The following DPP10 variants were observed in gnomAD, a reference collection of about 807,000 sequenced individuals.
DPP10 encodes the protein inactive dipeptidyl peptidase 10.
DPP10 carries 33 observed loss-of-function variants against 120.9 expected under a neutral mutation model. That is an observed-to-expected ratio of 0.27 (90% CI 0.21 to 0.37). The LOEUF is 0.37. Ranked by LOEUF, DPP10 falls within the 10% of genes least tolerant of loss-of-function variation. The pLI is 1.00. For missense variants in DPP10, 816 were observed against 942.8 expected (o/e 0.87, Z 1.76); for synonymous variants, 337 against 326.1 (o/e 1.03, Z -0.36).
chr2:114,944,569 A>C (rs960723841), intron 1 of DPP10, among the ~76,000 whole-genome samples: 13 of 152,162 alleles, frequency 8.5e-5, no homozygotes, highest in Non-Finnish European at 2.9e-5. Flanking sequence ...CATACTTTTA[A>C]TCAGGCATCA....
chr2:114,737,008 GC>G (rs1213897249), intron 1 of DPP10, among the ~76,000 whole-genome samples: 1 of 152,154 alleles, frequency 6.6e-6, no homozygotes, highest in Non-Finnish European at 1.5e-5. Flanking sequence ...TGTAATTGTT[GC>G]CATCTACGGT....
intron 1 of DPP10, among the ~76,000 whole-genome samples, chr2:114,886,635 A>G (rs1003101059): frequency 2.0e-5 from 3 of 152,236 alleles, no homozygotes; most frequent in African/African-American, 4.8e-5. Context: ...CTGTGTTAGC[A>G]TCTGCTCTTT....
chr2:114,773,029 C>G (rs1681407876), intron 1 of DPP10, among the ~76,000 whole-genome samples: 1 of 152,148 alleles, frequency 6.6e-6, no homozygotes, highest in Admixed American at 6.5e-5. Context: ...CCTTCATTTT[C>G]TTATCTATAA....
chr2:115,607,970 A>G (rs2083814514), intron 5 of DPP10, among the ~76,000 whole-genome samples: 1 of 152,194 alleles, frequency 6.6e-6, no homozygotes, highest in African/African-American at 2.4e-5. Context: ...GTAGTCCAAA[A>G]TGGAGTAGAC....
chr2:115,523,214 A>G (rs755432918), intron 4 of DPP10, among the ~76,000 whole-genome samples: 57 of 152,044 alleles, frequency 3.7e-4, no homozygotes, highest in Non-Finnish European at 6.8e-4. Flanking sequence ...GATAATTAAT[A>G]AAGTGCCAGA....
chr2:115,672,678 T>C (rs200726673), intron 5 of DPP10, among the ~76,000 whole-genome samples: 1,100 of 13,856 alleles, frequency 0.079, 16 homozygotes, highest in African/African-American at 0.12. Flanking sequence ...CTCTCTTTCT[T>C]TCTCTTTCTT....
chr2:115,406,607 C>T (rs892615365), intron 3 of DPP10, among the ~76,000 whole-genome samples: 27 of 151,710 alleles, frequency 1.8e-4, no homozygotes, highest in African/African-American at 6.0e-4. Flanking sequence ...AAATCTGTAC[C>T]ATACAAACAT....
intron 5 of DPP10, among the ~76,000 whole-genome samples, chr2:115,569,206 C>T (rs957804584): frequency 2.6e-5 from 4 of 152,176 alleles, no homozygotes; most frequent in Non-Finnish European, 5.9e-5. Context: ...AACCAGGCAA[C>T]CTGCTTTCAG....
At chr2:115,023,689 C>T (rs1333585713) in intron 1 of DPP10, among the ~76,000 whole-genome samples, 2 of 151,926 alleles carry the variant, frequency 1.3e-5, no homozygotes, top group East Asian at 1.9e-4. Flanking sequence ...AAGATACTTG[C>T]ACATGTTTAT....
intron 3 of DPP10, among the ~76,000 whole-genome samples, chr2:115,358,549 C>T (rs991658861): frequency 1.3e-5 from 2 of 152,142 alleles, no homozygotes; most frequent in Non-Finnish European, 2.9e-5. Flanking sequence ...CCACATTTTC[C>T]TATCTTCTTC....
intron 1 of DPP10, among the ~76,000 whole-genome samples, chr2:114,979,824 A>T (rs1487814388): frequency 6.6e-6 from 1 of 152,114 alleles, no homozygotes; most frequent in South Asian, 2.1e-4. Context: ...AATTTTAATT[A>T]TGTAGAGTCC....
rs549259513 is a variant in DPP10, at chr2:115,113,707, C to G, written c.61-195532C>G. 9.9e-5 allele frequency among the ~76,000 whole-genome samples: 15 copies of G among 152,242 alleles called. 1 individual carries two copies. In the South Asian group the frequency reaches 3.1e-3, roughly 32 times the overall value. On this transcript the variant is annotated intron_variant, in intron 1 of 25. Coordinates refer to ENST00000410059, the MANE Select transcript of DPP10 (RefSeq NM_020868.6). ...ATGTGAAAAGTCCAAGAATAATAAACCCTTGAGATACATATTTTGGGGCAA... is the reference window on the plus strand; with the variant it reads ...ATGTGAAAAGTCCAAGAATAATAAAGCCTTGAGATACATATTTTGGGGCAA...
intron 1 of DPP10, among the ~76,000 whole-genome samples, chr2:115,006,223 A>T (rs1701829899): frequency 6.6e-6 from 1 of 152,192 alleles, no homozygotes; most frequent in African/African-American, 2.4e-5. Context: ...GGAAGCATTA[A>T]ACATGGAAAG....
At chr2:115,753,415 T>C in intron 11 of DPP10, 118 bp downstream of exon 11, 3 of 936,624 alleles carry the variant, frequency 3.2e-6, no homozygotes, top group Non-Finnish European at 4.5e-6. Flanking sequence ...TTAAAACTAA[T>C]AGGAAAAGAA....
chr2:115,373,477 T>C (rs994364195), intron 3 of DPP10, among the ~76,000 whole-genome samples: 1 of 145,534 alleles, frequency 6.9e-6, no homozygotes, highest in Admixed American at 7.1e-5. Context: ...AGAATGCTAA[T>C]TGATCATAGG....
Position 115,843,571 on chromosome 2 carries a change from C to G in DPP10, c.*1226C>G, listed in dbSNP as rs1690360443. On this transcript the variant is annotated 3_prime_UTR_variant, in exon 26 of 26. Transcript: ENST00000410059. ...AATGAAATATTTTTTATTCATTGGCCAAAAAGTTCACAGACAGCAGTGTTT... is the reference window on the plus strand; with the variant it reads ...AATGAAATATTTTTTATTCATTGGCGAAAAAGTTCACAGACAGCAGTGTTT... 6.6e-6 allele frequency: 1 copy of G among 151,950 alleles called. No individual in the cohort carries two copies. The allele number at this position is 151,950 out of a possible 1,614,324, so 9.4% of individuals were successfully genotyped here.
At chr2:115,024,658 C>T (rs1703326901) in intron 1 of DPP10, among the ~76,000 whole-genome samples, 1 of 148,650 alleles carries the variant, frequency 6.7e-6, no homozygotes, top group Non-Finnish European at 1.5e-5. Flanking sequence ...CACATATAAC[C>T]TTAAATTTAA....
At chr2:115,427,624 A>G (rs2070600444) in intron 3 of DPP10, among the ~76,000 whole-genome samples, 1 of 152,138 alleles carries the variant, frequency 6.6e-6, no homozygotes, top group South Asian at 2.1e-4. Flanking sequence ...CCATACCACC[A>G]AAACCATTCA....
At chr2:114,688,010 T>A (rs1364477877) in intron 1 of DPP10, among the ~76,000 whole-genome samples, 1 of 152,034 alleles carries the variant, frequency 6.6e-6, no homozygotes, top group Non-Finnish European at 1.5e-5. Flanking sequence ...TTATAGATGA[T>A]AAATTTAGCA....
Sources: allele counts gnomAD v4.1 joint callset (sites outside exome capture counted in the v4.1 genomes callset), GRCh38; gene constraint gnomAD v4.1.1; transcripts MANE v1.5; gene names NCBI Gene and HGNC (gene_info 2026-07-23, HGNC 2026-07-21).